Variants in SLC25A37 observed in about 807,000 individuals in gnomAD.
SLC25A37 encodes the protein mitoferrin-1.
SLC25A37 carries 17 observed loss-of-function variants against 31.0 expected under a neutral mutation model. That is an observed-to-expected ratio of 0.55 (90% confidence interval 0.38 to 0.82). SLC25A37 has a LOEUF of 0.82. Among genes scored for constraint, SLC25A37 ranks in the 40% least tolerant of loss-of-function variants. The pLI is 0.00. For missense variants in SLC25A37, 404 were observed against 465.8 expected, an observed-to-expected ratio of 0.87 and a Z score of 1.22; for synonymous variants, 222 against 193.0, an observed-to-expected ratio of 1.15 and a Z score of -1.24.
intron 1 of SLC25A37, among the ~76,000 whole-genome samples, chr8:23,544,022 G>A (rs961969602): frequency 6.6e-5 from 10 of 151,770 alleles, no homozygotes; most frequent in Non-Finnish European, 1.2e-4. Context: ...CACCACGCCC[G>A]GCTAATTTTG....
intron 1 of SLC25A37, among the ~76,000 whole-genome samples, chr8:23,561,060 C>G (rs956132298): frequency 2.0e-5 from 3 of 152,132 alleles, no homozygotes; most frequent in African/African-American, 7.2e-5. Context: ...CTCAGTAAAT[C>G]TACGTTTTAC....
chr8:23,560,435 A>G (rs1480042001), intron 1 of SLC25A37, among the ~76,000 whole-genome samples: 1 of 152,090 alleles, frequency 6.6e-6, no homozygotes, highest in Non-Finnish European at 1.5e-5. Context: ...CCTTCGAGGC[A>G]CCCTGGTGGT....
intron 1 of SLC25A37, among the ~76,000 whole-genome samples, chr8:23,561,451 G>A (rs2117443764): frequency 6.6e-6 from 1 of 152,294 alleles, no homozygotes; most frequent in East Asian, 1.9e-4. Context: ...GGTGGGATGG[G>A]GACAGTCATT....
At position 23,571,243 on chromosome 8, in the gene SLC25A37, T is replaced by C. The variant is rs1446810624; in HGVS notation, c.497-92T>C. On this transcript the variant is annotated intron_variant, in intron 3 of 3. Transcript: ENST00000519973. ...TGTCTAACTGGCTTGTTTCTCTTTA[T>C]GGCTTGGCTTCATTCCGACCTGGGG... 4 of 1,411,032 alleles carry C rather than the reference T, an allele frequency of 2.8e-6. No homozygotes were observed. The African/African-American group carries it at 4.3e-5, about 15-fold the overall frequency. The allele number at this position is 1,411,032 out of a possible 1,614,324, so 87.4% of individuals were successfully genotyped here.
chr8:23,555,235 C>G (rs1404230833), intron 1 of SLC25A37, among the ~76,000 whole-genome samples: 2 of 152,170 alleles, frequency 1.3e-5, no homozygotes, highest in African/African-American at 4.8e-5. Flanking sequence ...TTGTCTTTTT[C>G]TTTCCCAGTC....
At position 23,574,946 on chromosome 8, in the gene SLC25A37, A is replaced by C. The variant is rs1802947014; in HGVS notation, c.*3091A>C. 1 of 152,548 alleles carries C rather than the reference A, an allele frequency of 6.6e-6. No homozygotes were observed. Among genetic ancestry groups the C allele is most frequent in the Non-Finnish European group, 1.5e-5 (1 of 68,240 alleles). 9.4% of individuals were successfully genotyped at this position (152,548 alleles called of 1,614,324 possible). ...CTGTCCAAACCATGATTTGAGGTTC[A>C]ACTACCTGTAGATCAAAGCTTTATT... On this transcript the variant is annotated 3_prime_UTR_variant, in exon 4 of 4. Transcript: ENST00000519973.
intron 3 of SLC25A37, 182 bp downstream of exon 3, chr8:23,568,560 A>G (rs1294006605): frequency 6.0e-6 from 4 of 664,334 alleles, no homozygotes; most frequent in African/African-American, 3.6e-5. Context: ...ACGTGAACAT[A>G]AGAGTTTTTG....
At chr8:23,536,227 C>T (rs17089332) in intron 1 of SLC25A37, among the ~76,000 whole-genome samples, 3,691 of 152,268 alleles carry the variant, frequency 0.024, 70 homozygotes, top group East Asian at 0.093. Flanking sequence ...AGACTTCTCA[C>T]CTTGACCTCA....
chr8:23,538,508 G>GC (rs1801822141), intron 1 of SLC25A37, among the ~76,000 whole-genome samples: 1 of 150,586 alleles, frequency 6.6e-6, no homozygotes, highest in African/African-American at 2.5e-5. Context: ...GACTTTCTTG[G>GC]CTCCGTTGTT....
At position 23,532,650 on chromosome 8, in the gene SLC25A37, T is replaced by C. The variant is rs558365521; in HGVS notation, c.210+3438T>C. Among the ~76,000 whole-genome samples, 4 of 152,358 alleles carry C rather than the reference T, an allele frequency of 2.6e-5. No individual in the cohort carries two copies. In the South Asian group the frequency reaches 8.3e-4, roughly 32 times the overall value. ...TCACAACCCTTCTTTTGCTTTGCTG[T>C]TGGGGGAAACCCTGCCTGTGACTCT... On this transcript the variant is annotated intron_variant, in intron 1 of 3. Coordinates refer to ENST00000519973, the MANE Select transcript of SLC25A37 (RefSeq NM_016612.4).
intron 1 of SLC25A37, among the ~76,000 whole-genome samples, chr8:23,539,985 G>A (rs1038089643): frequency 6.6e-6 from 1 of 152,176 alleles, no homozygotes; most frequent in African/African-American, 2.4e-5. Context: ...AAGGCACATG[G>A]CAAATGCCCC....
chr8:23,568,470 G>A, intron 3 of SLC25A37, 92 bp downstream of exon 3: 1 of 1,432,364 alleles, frequency 7.0e-7, no homozygotes, highest in Admixed American at 1.7e-5. Flanking sequence ...CTGAAGGTGG[G>A]CAGAGCGGCT....
At chr8:23,530,186 G>A (rs1448771583) in intron 1 of SLC25A37, among the ~76,000 whole-genome samples, 1 of 152,158 alleles carries the variant, frequency 6.6e-6, no homozygotes, top group Non-Finnish European at 1.5e-5. Context: ...ACAGCCCTGG[G>A]GGTTAACAGA....
intron 2 of SLC25A37, chr8:23,568,121 T>C: frequency 1.5e-6 from 1 of 667,608 alleles, no homozygotes; most frequent in Admixed American, 2.1e-5. Flanking sequence ...TGGTTGAGTG[T>C]GCCTAAATTA....
intron 1 of SLC25A37, among the ~76,000 whole-genome samples, chr8:23,540,706 G>C (rs1351381972): frequency 6.6e-6 from 1 of 152,134 alleles, no homozygotes; most frequent in Non-Finnish European, 1.5e-5. Context: ...CCAGATCATA[G>C]TATATGTATA....
chr8:23,533,815 T>TACCCCTGG (rs1195470624), intron 1 of SLC25A37, among the ~76,000 whole-genome samples: 1 of 152,266 alleles, frequency 6.6e-6, no homozygotes, highest in Non-Finnish European at 1.5e-5. Flanking sequence ...ACCCCTGTGA[T>TACCCCTGG]CATGGTGTTG....
At chr8:23,552,074 A>T (rs1194883552) in intron 1 of SLC25A37, among the ~76,000 whole-genome samples, 1 of 152,200 alleles carries the variant, frequency 6.6e-6, no homozygotes, top group Non-Finnish European at 1.5e-5. Context: ...TCTTTGGGCC[A>T]TACAGGCCAT....
chr8:23,538,614 A>G (rs1340535230), intron 1 of SLC25A37, among the ~76,000 whole-genome samples: 1 of 151,602 alleles, frequency 6.6e-6, no homozygotes, highest in Non-Finnish European at 1.5e-5. Context: ...TCATTTGGCC[A>G]CTCATGTCAT....
Position 23,571,874 on chromosome 8 carries a change from C to A in SLC25A37, c.*19C>A. On this transcript the variant is annotated 3_prime_UTR_variant, in exon 4 of 4. Coordinates refer to ENST00000519973, the MANE Select transcript of SLC25A37 (RefSeq NM_016612.4). ...ATACTAAAGGAAGGGATCATAGAAT[C>A]TTTTCTTAAAGTCATTCTCTGCCTG... The A allele has an allele frequency of 2.5e-6, 4 of 1,601,422 alleles. No homozygotes were observed. The highest frequency in any genetic ancestry group is 3.4e-6 in the Non-Finnish European group (4 of 1,170,812).
Sources: gnomAD v4.1 joint callset for allele counts (sites outside exome capture counted in the v4.1 genomes callset) on GRCh38, gnomAD v4.1.1 for gene constraint, MANE v1.5 for transcripts, NCBI Gene and HGNC (gene_info 2026-07-23, HGNC 2026-07-21) for gene names.